The following UPF2 variants were observed in gnomAD, a reference collection of about 807,000 sequenced individuals.
UPF2 encodes the protein regulator of nonsense transcripts 2.
UPF2 carries 17 observed loss-of-function variants against 141.4 expected under a neutral mutation model. The ratio of observed to expected loss-of-function variants is 0.12; its 90% CI spans 0.08 to 0.18. UPF2 has a LOEUF of 0.18. Among genes scored for constraint, UPF2 ranks in the 10% least tolerant of loss-of-function variants. The pLI, the probability that UPF2 is intolerant of heterozygous loss-of-function variation, is 1.00. For missense variants in UPF2, 1,152 were observed against 1,515.9 expected (o/e 0.76, Z 3.99); for synonymous variants, 540 against 498.0 (o/e 1.08, Z -1.12).
intron 9 of UPF2, 92 bp from the exon 10 acceptor site, chr10:11,967,546 G>GTTTTTTTTTTT: frequency 4.1e-6 from 1 of 242,718 alleles, no homozygotes; most frequent in Non-Finnish European, 7.2e-6. Flanking sequence ...ATTCACTCCA[G>GTTTTTTTTTTT]TTTTTTTTTT....
At chr10:12,031,880 G>A (rs1409653657) in intron 2 of UPF2, among the ~76,000 whole-genome samples, 1 of 152,126 alleles carries the variant, frequency 6.6e-6, no homozygotes, top group Non-Finnish European at 1.5e-5. Context: ...TCCATTAAAA[G>A]CTACAATATA....
intron 18 of UPF2, among the ~76,000 whole-genome samples, chr10:11,938,845 T>TTTTTTTTG (rs1564337743): frequency 6.5e-4 from 76 of 117,574 alleles, no homozygotes; most frequent in African/African-American, 2.4e-3. Context: ...TAAGCAAGTT[T>TTTTTTTTG]TTTTTTTGTT....
rs1337042279 is a variant in UPF2 at position 11,959,498 on chromosome 10, A to G, written c.2185-142T>C. ...GAAAGGACTGGGCACTGTGGCTCAC[A>G]CCTATAATCCCAGCACTTTGGGAGA... On this transcript the variant is annotated intron_variant, in intron 11 of 21. Transcript: ENST00000357604. The surrounding 1 kb of genome is among the most constrained non-coding windows in gnomAD (Gnocchi z 5.9). The G allele has an allele frequency of 9.6e-6, 8 of 833,612 alleles. No homozygotes were observed. The highest frequency in any genetic ancestry group is 3.8e-4 in the Middle Eastern group (1 of 2,640). The allele number at this position is 833,612 out of a possible 1,614,324, so 51.6% of individuals were successfully genotyped here.
chr10:12,001,898 A>T lies in UPF2; in HGVS notation c.1505-73T>A, dbSNP rs369180244. 51 of 1,383,960 alleles carry T rather than the reference A, an allele frequency of 3.7e-5. No homozygotes were observed. In the African/African-American group the frequency reaches 6.6e-4, roughly 18 times the overall value. 85.7% of individuals were successfully genotyped at this position (1,383,960 alleles called of 1,614,324 possible). On this transcript the variant is annotated intron_variant, in intron 5 of 21. Coordinates refer to ENST00000357604, the MANE Select transcript of UPF2 (RefSeq NM_015542.4). ...TCCTGCTGCACAAAAGTAGATTAAG[A>T]CTCACAAAATCTGCAGGTTCTTTTA... is the stretch of plus-strand genomic sequence containing the variant.
At chr10:11,928,239 A>C (rs1832736522) in intron 21 of UPF2, among the ~76,000 whole-genome samples, 1 of 152,154 alleles carries the variant, frequency 6.6e-6, no homozygotes, top group South Asian at 2.1e-4. Flanking sequence ...TGGGAGGCTG[A>C]GGCAGGAGCA....
At chr10:11,952,447 AT>A (rs889180955) in intron 14 of UPF2, among the ~76,000 whole-genome samples, 198 bp from the exon 15 acceptor site, 3 of 138,886 alleles carry the variant, frequency 2.2e-5, no homozygotes, top group Non-Finnish European at 3.1e-5. Flanking sequence ...GTCTTGAGCT[AT>A]TTGGTGAATT....
chr10:11,978,918 A>G, intron 9 of UPF2, 139 bp downstream of exon 9: 2 of 676,658 alleles, frequency 3.0e-6, no homozygotes, highest in Admixed American at 3.0e-5. Flanking sequence ...CATTTCAAAA[A>G]TTTAGAATGC....
chr10:12,016,591 G>A lies in UPF2; in HGVS notation c.1146-2407C>T, dbSNP rs1834224144. ...TGCCTGTAATCCCAGCTACTTGGGAGGCTAAGCCAGGAGAATCACTTGAAC... is the reference window on the plus strand; with the variant it reads ...TGCCTGTAATCCCAGCTACTTGGGAAGCTAAGCCAGGAGAATCACTTGAAC... On this transcript the variant is annotated intron_variant, in intron 3 of 21. Transcript: ENST00000357604. This position sits in a 1 kb window ranked among gnomAD's most constrained non-coding sequence, Gnocchi z 4.1. Among the ~76,000 whole-genome samples, 2 of 152,052 alleles carry A rather than the reference G, an allele frequency of 1.3e-5. No homozygotes were observed. Among genetic ancestry groups the A allele is most frequent in the South Asian group, 2.1e-4 (1 of 4,822 alleles).
chr10:12,007,159 G>A (rs1834048174), intron 4 of UPF2, among the ~76,000 whole-genome samples: 1 of 152,180 alleles, frequency 6.6e-6, no homozygotes, highest in East Asian at 1.9e-4. Context: ...TACAAGAACT[G>A]ACTCAGAAAG....
At chr10:12,021,786 C>T (rs1237419909) in intron 3 of UPF2, among the ~76,000 whole-genome samples, 1 of 152,140 alleles carries the variant, frequency 6.6e-6, no homozygotes, top group Non-Finnish European at 1.5e-5. Context: ...CCCAGAAAAA[C>T]TGCTGGGTTT....
chr10:11,952,008 T>A, intron 15 of UPF2, 58 bp downstream of exon 15: 1 of 1,553,108 alleles, frequency 6.4e-7, no homozygotes, highest in Non-Finnish European at 8.9e-7. Context: ...ATAAAGCAAA[T>A]TCCAGAAATA....
intron 15 of UPF2, 53 bp from the exon 16 acceptor site, chr10:11,948,561 A>C: frequency 6.3e-7 from 1 of 1,583,046 alleles, no homozygotes; most frequent in Non-Finnish European, 8.6e-7. Context: ...GACACAGGCT[A>C]GTTTTCTACA....
rs1327229021 is a variant in UPF2 at position 11,940,108 on chromosome 10, G to T, written c.3378+2557C>A. 6.6e-6 allele frequency among the ~76,000 whole-genome samples: 1 copy of T among 152,062 alleles called. No individual in the cohort carries two copies. Among genetic ancestry groups the T allele is most frequent in the African/African-American group, 2.4e-5 (1 of 41,402 alleles). ...ACTCTGTACAGTTGTTCAGTATTTT[G>T]ATAATGCTGAAAAACTAGGGCCTAA... On this transcript the variant is annotated intron_variant, in intron 18 of 21. Transcript: ENST00000357604. The surrounding 1 kb of genome is among the most constrained non-coding windows in gnomAD (Gnocchi z 4.2).
intron 8 of UPF2, among the ~76,000 whole-genome samples, chr10:11,989,764 A>G (rs1034498207): frequency 6.6e-6 from 1 of 152,226 alleles, no homozygotes; most frequent in African/African-American, 2.4e-5. Context: ...CAAAGTATCT[A>G]GGACTAAGCT....
rs1406006322 is a variant in UPF2 at position 11,921,700 on chromosome 10, G to A, written c.3810-393C>T. Among the ~76,000 whole-genome samples, 1 of 152,112 alleles carries A rather than the reference G, an allele frequency of 6.6e-6. No homozygotes were observed. Among genetic ancestry groups the A allele is most frequent in the Non-Finnish European group, 1.5e-5 (1 of 68,012 alleles). ...GGGGATCCAGGAAGCAACCCCCTGT[G>A]GATACCGAGGACAACTGTAGTGCTT... On this transcript the variant is annotated intron_variant, in intron 21 of 21. Transcript: ENST00000357604. The surrounding 1 kb of genome is among the most constrained non-coding windows in gnomAD (Gnocchi z 5.9).
At chr10:11,985,014 A>G (rs542398807) in intron 8 of UPF2, among the ~76,000 whole-genome samples, 1 of 152,296 alleles carries the variant, frequency 6.6e-6, no homozygotes, top group Non-Finnish European at 1.5e-5. Flanking sequence ...CGCCCGGTCC[A>G]GCTATGCATT....
At chr10:11,927,862 G>C (rs949004741) in intron 21 of UPF2, among the ~76,000 whole-genome samples, 1 of 152,164 alleles carries the variant, frequency 6.6e-6, no homozygotes, top group Non-Finnish European at 1.5e-5. Context: ...GTGATGTCCA[G>C]TGAGTAACAG....
At chr10:11,950,389 T>C (rs950130784) in intron 15 of UPF2, among the ~76,000 whole-genome samples, 2 of 152,218 alleles carry the variant, frequency 1.3e-5, no homozygotes, top group Non-Finnish European at 2.9e-5. Flanking sequence ...TTTTTCTGCA[T>C]ACGTCTTCTT....
In UPF2 at chr10:11,921,193, G is replaced by T. The variant is rs989254055; in HGVS notation, c.*105C>A. The T allele has an allele frequency of 1.3e-6, 2 of 1,512,816 alleles. No homozygotes were observed. The highest frequency in any genetic ancestry group is 1.7e-5 in the Admixed American group (1 of 59,882). The allele number at this position is 1,512,816 out of a possible 1,614,324, so 93.7% of individuals were successfully genotyped here. A position where few individuals can be genotyped will look rare whatever the true frequency, so the allele number is the denominator to read the frequency against. On this transcript the variant is annotated 3_prime_UTR_variant, in exon 22 of 22. Transcript: ENST00000357604. This position sits in a 1 kb window ranked among gnomAD's most constrained non-coding sequence, Gnocchi z 5.9. ...CCAGGTTTAGATTCGCAACTCTCTA[G>T]ACCGACCTGCTGAGATGTGTCCACT... is the stretch of plus-strand genomic sequence containing the variant.
Sources: allele counts gnomAD v4.1 joint callset (sites outside exome capture counted in the v4.1 genomes callset), GRCh38; gene constraint gnomAD v4.1.1; non-coding constraint Gnocchi (gnomAD v3.1); transcripts MANE v1.5; gene names NCBI Gene and HGNC (gene_info 2026-07-23, HGNC 2026-07-21).